SZRD1: variants seen among roughly 807,000 people sequenced by gnomAD.
SZRD1 encodes the protein SUZ RNA binding domain containing 1, also known as SUZ RNA-binding domain-containing.
In SZRD1, 7 loss-of-function variants were observed where a neutral mutation model predicts 17.6. The ratio of observed to expected loss-of-function variants is 0.40; its 90% CI spans 0.23 to 0.75. The LOEUF (loss-of-function observed/expected upper bound fraction) is 0.75, where lower values mean the gene tolerates loss of function less well. SZRD1 is among the 30% of genes least tolerant of loss of function. The pLI is 0.38. For synonymous variants in SZRD1, 77 were observed against 77.9 expected, an observed-to-expected ratio of 0.99 and a Z score of 0.06; for missense variants, 178 against 201.8, an observed-to-expected ratio of 0.88 and a Z score of 0.71.
intron 1 of SZRD1, among the ~76,000 whole-genome samples, chr1:16,372,691 T>C (rs2082934161): frequency 1.3e-5 from 2 of 152,212 alleles, no homozygotes; most frequent in Admixed American, 1.3e-4. Context: ...GGATGACTGG[T>C]GTTCTGGATT....
At position 16,391,386 on chromosome 1, in the gene SZRD1, A is replaced by G; in HGVS notation, c.63A>G (p.Arg21=). 1 of 1,548,008 alleles carries G rather than the reference A, an allele frequency of 6.5e-7. No individual in the cohort carries two copies. Among genetic ancestry groups the G allele is most frequent in the Non-Finnish European group, 8.7e-7 (1 of 1,145,324 alleles). The change falls in exon 2 of 4, where the codon AGA becomes AGG. Residue 21 remains arginine, a synonymous_variant. Coordinates refer to ENST00000401088, the MANE Select transcript of SZRD1 (RefSeq NM_001114600.3). The surrounding 1 kb of genome is among the most constrained non-coding windows in gnomAD (Gnocchi z 4.3). The stretch of plus-strand genomic sequence containing the variant: ...TTTTTTTCCTCTAGGAAATAGACAG[A>G]CGGTTGGAAAAAAAACTGAAGATCA... ...EEAADSGEID[R]RLEKKLKITQ...
chr1:16,385,136 A>G (rs1222689176), intron 1 of SZRD1, among the ~76,000 whole-genome samples: 1 of 152,062 alleles, frequency 6.6e-6, no homozygotes, highest in African/African-American at 2.4e-5. Context: ...AGATTGCTCT[A>G]TTTCTTGGGA....
At chr1:16,369,499 C>G (rs999772403) in intron 1 of SZRD1, 5 of 918,542 alleles carry the variant, frequency 5.4e-6, no homozygotes, top group Non-Finnish European at 8.9e-6. Flanking sequence ...TTTTTTGCCC[C>G]CCTTCACCAC....
chr1:16,374,297 A>G (rs879846589), intron 1 of SZRD1, among the ~76,000 whole-genome samples: 3 of 152,202 alleles, frequency 2.0e-5, no homozygotes, highest in Non-Finnish European at 4.4e-5. Flanking sequence ...TCTGTGAAGC[A>G]GTTGGGCAGT....
chr1:16,367,244 A>G lies in SZRD1; in HGVS notation c.-14A>G. On this transcript the variant is annotated 5_prime_UTR_variant, in exon 1 of 4. Transcript: ENST00000401088. ...CGGGGAGGGGGTGGGGGAGGAGGGA[A>G]AGCGGCGAGTAAGATGGAAGATGAG... The G allele has an allele frequency of 6.5e-7, 1 of 1,548,068 alleles. No homozygotes were observed. Among genetic ancestry groups the G allele is most frequent in the Non-Finnish European group, 8.7e-7 (1 of 1,146,150 alleles).
Position 16,393,162 on chromosome 1 carries a change from T to TG in SZRD1, c.102-63dup. ...AGAGGAAAGTGATGAGAGGTGGGTG[T>TG]GGGACATGGACAGGGCCTCCTTAGT... On this transcript the variant is annotated intron_variant, in intron 2 of 3. Transcript: ENST00000401088. The surrounding 1 kb of genome is among the most constrained non-coding windows in gnomAD (Gnocchi z 5.6). 1 of 1,574,012 alleles carries TG rather than the reference T, an allele frequency of 6.4e-7. No individual in the cohort carries two copies. Among genetic ancestry groups the TG allele is most frequent in the East Asian group, 2.2e-5 (1 of 44,468 alleles).
intron 1 of SZRD1, among the ~76,000 whole-genome samples, chr1:16,389,080 C>CTTTT (rs779460255): frequency 1.7e-4 from 20 of 114,878 alleles, no homozygotes; most frequent in South Asian, 2.8e-4. Context: ...TAGTTATTTC[C>CTTTT]TTTTTTTTTT....
At chr1:16,385,576 G>A (rs779708210) in intron 1 of SZRD1, among the ~76,000 whole-genome samples, 1 of 152,064 alleles carries the variant, frequency 6.6e-6, no homozygotes, top group Non-Finnish European at 1.5e-5. Context: ...CGTTACAGGA[G>A]TAAACCTACC....
intron 1 of SZRD1, among the ~76,000 whole-genome samples, chr1:16,384,923 G>T (rs1472129007): frequency 1.3e-5 from 2 of 152,106 alleles, no homozygotes; most frequent in Non-Finnish European, 2.9e-5. Context: ...GTGGGGCAGC[G>T]ATTCATAGGG....
In SZRD1 at chr1:16,367,293, G is replaced by A. The variant is rs1002495089; in HGVS notation, c.36G>A (p.Glu12=). Residue 12 remains glutamate (E), a synonymous_variant, in exon 1 of 4, where the codon GAG becomes GAA. Transcript: ENST00000401088. ...AGGAGGTCGCTGAGAGCTGGGAAGA[G>A]GCGGCAGACAGCGGGGTAAGGAGGA... ...EDEEVAESWE[E]AADSGEIDRR... 1.9e-6 allele frequency: 3 copies of A among 1,548,896 alleles called. No individual in the cohort carries two copies. Among genetic ancestry groups the A allele is most frequent in the Non-Finnish European group, 2.6e-6 (3 of 1,146,658 alleles).
intron 1 of SZRD1, among the ~76,000 whole-genome samples, chr1:16,384,236 C>T (rs1271945052): frequency 6.6e-6 from 1 of 152,100 alleles, no homozygotes; most frequent in Non-Finnish European, 1.5e-5. Flanking sequence ...ATGGATTGTA[C>T]ATCTGAACTT....
At chr1:16,375,930 T>G (rs1045232041) in intron 1 of SZRD1, among the ~76,000 whole-genome samples, 1 of 152,202 alleles carries the variant, frequency 6.6e-6, no homozygotes, top group Non-Finnish European at 1.5e-5. Flanking sequence ...ACCTTCCATA[T>G]GTCAGTAGTG....
intron 1 of SZRD1, among the ~76,000 whole-genome samples, chr1:16,388,205 C>G (rs2100738338): frequency 6.6e-6 from 1 of 152,168 alleles, no homozygotes; most frequent in South Asian, 2.1e-4. Context: ...CCTCCGTCTC[C>G]CAGGTTCAAG....
intron 1 of SZRD1, chr1:16,369,280 T>C: frequency 1.5e-6 from 1 of 655,172 alleles, no homozygotes; most frequent in Admixed American, 2.5e-5. Context: ...GGTGAGATAT[T>C]TGAAATACCT....
At chr1:16,380,948 A>C (rs2083090391) in intron 1 of SZRD1, among the ~76,000 whole-genome samples, 1 of 151,590 alleles carries the variant, frequency 6.6e-6, no homozygotes, top group Admixed American at 6.6e-5. Flanking sequence ...ATAGCTGGGC[A>C]TAGTGGCATG....
intron 1 of SZRD1, among the ~76,000 whole-genome samples, chr1:16,368,971 A>G (rs781371346): frequency 5.9e-5 from 9 of 152,348 alleles, no homozygotes; most frequent in Non-Finnish European, 1.2e-4. Context: ...AGTTTTTCAG[A>G]ATGGGTAAGT....
At chr1:16,374,845 T>G (rs1278218616) in intron 1 of SZRD1, among the ~76,000 whole-genome samples, 1 of 152,012 alleles carries the variant, frequency 6.6e-6, no homozygotes, top group Non-Finnish European at 1.5e-5. Context: ...TTTAATGTAG[T>G]ATCCATAGAG....
chr1:16,378,285 CTT>C (rs36025947), intron 1 of SZRD1, among the ~76,000 whole-genome samples: 9 of 127,466 alleles, frequency 7.1e-5, no homozygotes, highest in African/African-American at 8.6e-5. Context: ...TTGGCAACTT[CTT>C]TTTTTTTTTT....
At chr1:16,369,143 A>G in intron 1 of SZRD1, 1 of 424,322 alleles carries the variant, frequency 2.4e-6, no homozygotes, top group Non-Finnish European at 4.3e-6. Flanking sequence ...TTCCAGATAA[A>G]TGAAATTTAA....
Sources: allele counts gnomAD v4.1 joint callset (sites outside exome capture counted in the v4.1 genomes callset), GRCh38; gene constraint gnomAD v4.1.1; non-coding constraint Gnocchi (gnomAD v3.1); transcripts MANE v1.5; gene names NCBI Gene and HGNC (gene_info 2026-07-23, HGNC 2026-07-21).